Variants in PXDNL observed in about 807,000 individuals in gnomAD.
PXDNL encodes peroxidasin like, also known as probable oxidoreductase PXDNL.
A neutral mutation model predicts 150.8 loss-of-function variants in PXDNL; 145 were observed. The observed-to-expected ratio is 0.96, with a 90% CI of 0.84 to 1.10. The LOEUF is 1.10. Ranked by LOEUF, PXDNL falls within the 50% of genes least tolerant of loss-of-function variation. PXDNL has a pLI of 0.00. For synonymous variants in PXDNL, 757 were observed against 725.7 expected (o/e 1.04, Z -0.69); for missense variants, 2,087 against 1,873.9 (o/e 1.11, Z -2.10).
At chr8:51,635,812 CA>C (rs903622650) in intron 2 of PXDNL, among the ~76,000 whole-genome samples, 1 of 151,614 alleles carries the variant, frequency 6.6e-6, no homozygotes, top group African/African-American at 2.4e-5. Context: ...CAAAATTTTC[CA>C]AAAAAATAGA....
chr8:51,738,394 T>C (rs1293306895), intron 1 of PXDNL, among the ~76,000 whole-genome samples: 1 of 152,198 alleles, frequency 6.6e-6, no homozygotes, highest in Non-Finnish European at 1.5e-5. Flanking sequence ...AGTATGTGAC[T>C]CTTGCACCTA....
intron 1 of PXDNL, among the ~76,000 whole-genome samples, chr8:51,704,399 G>A (rs1231219121): frequency 6.6e-6 from 1 of 152,094 alleles, no homozygotes; most frequent in African/African-American, 2.4e-5. Context: ...GAAGATATTT[G>A]GGTTGCTAAG....
chr8:51,642,912 A>G (rs1814805766), intron 2 of PXDNL, among the ~76,000 whole-genome samples: 1 of 152,194 alleles, frequency 6.6e-6, no homozygotes, highest in Non-Finnish European at 1.5e-5. Context: ...GCAAACAGAG[A>G]GCCAAATCAT....
chr8:51,608,374 G>A (rs1267396653), intron 2 of PXDNL, among the ~76,000 whole-genome samples: 1 of 131,554 alleles, frequency 7.6e-6, no homozygotes, highest in East Asian at 2.1e-4. Flanking sequence ...CAGCGACAGG[G>A]AGAGACTCCG....
chr8:51,654,182 C>T (rs1237532644), intron 2 of PXDNL, among the ~76,000 whole-genome samples: 1 of 152,186 alleles, frequency 6.6e-6, no homozygotes. Context: ...AAACATTTAT[C>T]AGTGCTTAGC....
rs139683586 is a variant in PXDNL, at chr8:51,444,829, T to G, written c.1525+2175A>C. On this transcript the variant is annotated intron_variant, in intron 12 of 22. Coordinates refer to ENST00000356297, the MANE Select transcript of PXDNL (RefSeq NM_144651.5). Reference sequence around the variant, plus strand: ...CTCATAACGTGTCACTTGGTGACAGTAGTAGCTCCCGTGGTTTCTGACTTT... The same window carrying G: ...CTCATAACGTGTCACTTGGTGACAGGAGTAGCTCCCGTGGTTTCTGACTTT... 2.7e-4 allele frequency among the ~76,000 whole-genome samples: 41 copies of G among 152,302 alleles called. 1 individual carries two copies. Among genetic ancestry groups the G allele is most frequent in the Admixed American group, 2.6e-3 (40 of 15,302 alleles).
At chr8:51,641,484 A>C (rs1170384785) in intron 2 of PXDNL, among the ~76,000 whole-genome samples, 1 of 152,170 alleles carries the variant, frequency 6.6e-6, no homozygotes, top group Non-Finnish European at 1.5e-5. Context: ...TCCAGAATCT[A>C]CAATGAACTC....
intron 2 of PXDNL, among the ~76,000 whole-genome samples, chr8:51,642,432 G>A (rs1814787425): frequency 6.6e-6 from 1 of 151,954 alleles, no homozygotes; most frequent in Non-Finnish European, 1.5e-5. Context: ...CAGAACCAAA[G>A]ACAAAAACTA....
rs61326367 is a variant in PXDNL at position 51,775,466 on chromosome 8, C to T, written c.164+33715G>A. Among the ~76,000 whole-genome samples, 22 of 152,116 alleles carry T rather than the reference C, an allele frequency of 1.4e-4. No homozygotes were observed. The East Asian group carries it at 2.1e-3, about 15-fold the overall frequency. On this transcript the variant is annotated intron_variant, in intron 1 of 22. Coordinates refer to ENST00000356297, the MANE Select transcript of PXDNL (RefSeq NM_144651.5). ...GGTTCATCAGTGTCACCCTGTGTTG[C>T]GGGAAGTCAAGGACCTTGAACGGAG...
chr8:51,410,343 A>T (rs1486318427), intron 16 of PXDNL, among the ~76,000 whole-genome samples: 1 of 152,238 alleles, frequency 6.6e-6, no homozygotes, highest in African/African-American at 2.4e-5. Flanking sequence ...ATCTTCAGAA[A>T]CTGGCAAGCA....
At chr8:51,798,408 T>C (rs1360260060) in intron 1 of PXDNL, among the ~76,000 whole-genome samples, 3 of 152,016 alleles carry the variant, frequency 2.0e-5, no homozygotes, top group Non-Finnish European at 4.4e-5. Flanking sequence ...ACATACAGAA[T>C]GGGAAAAAAT....
chr8:51,338,120 T>C (rs891501665), intron 21 of PXDNL, among the ~76,000 whole-genome samples: 2 of 149,184 alleles, frequency 1.3e-5, no homozygotes, highest in Non-Finnish European at 3.0e-5. Flanking sequence ...CAGAGGTAGG[T>C]TGCAGTGAGC....
intron 1 of PXDNL, among the ~76,000 whole-genome samples, chr8:51,668,176 C>CTCTTTTTTTTTT (rs1554564343): frequency 3.9e-5 from 3 of 77,386 alleles, no homozygotes; most frequent in African/African-American, 1.6e-4. Context: ...CTCGCTCTCT[C>CTCTTTTTTTTTT]TTTTTTTTTT....
At chr8:51,619,995 C>T (rs62505329) in intron 2 of PXDNL, among the ~76,000 whole-genome samples, 75,521 of 151,896 alleles carry the variant, frequency 0.5, 22,238 homozygotes, top group Non-Finnish European at 0.66. Context: ...TAAATAAATC[C>T]GTTCTACTTT....
intron 2 of PXDNL, among the ~76,000 whole-genome samples, chr8:51,629,374 G>A (rs927694378): frequency 3.9e-5 from 6 of 152,036 alleles, no homozygotes; most frequent in African/African-American, 1.4e-4. Context: ...AGCCTGAGGA[G>A]CAGAAAGTAA....
chr8:51,775,356 C>A (rs2037340833), intron 1 of PXDNL, among the ~76,000 whole-genome samples: 1 of 152,140 alleles, frequency 6.6e-6, no homozygotes, highest in Admixed American at 6.5e-5. Context: ...AATACCAAAA[C>A]CAACTTAAAT....
At chr8:51,704,608 A>G (rs2130887360) in intron 1 of PXDNL, among the ~76,000 whole-genome samples, 1 of 152,324 alleles carries the variant, frequency 6.6e-6, no homozygotes, top group African/African-American at 2.4e-5. Context: ...GCAGTGTATA[A>G]CACTTCTCAT....
chr8:51,333,202 C>T (rs1254550699), intron 21 of PXDNL, among the ~76,000 whole-genome samples: 1 of 152,190 alleles, frequency 6.6e-6, no homozygotes, highest in Non-Finnish European at 1.5e-5. Flanking sequence ...TCAAACAAAA[C>T]AATCTTCAGC....
intron 2 of PXDNL, among the ~76,000 whole-genome samples, chr8:51,607,773 G>A (rs1290751760): frequency 6.8e-6 from 1 of 146,106 alleles, no homozygotes; most frequent in African/African-American, 2.7e-5. Flanking sequence ...CCAGGAAGCA[G>A]AGGCTGCAGT....
Sources: allele counts gnomAD v4.1 joint callset (sites outside exome capture counted in the v4.1 genomes callset), GRCh38; gene constraint gnomAD v4.1.1; transcripts MANE v1.5; gene names NCBI Gene and HGNC (gene_info 2026-07-23, HGNC 2026-07-21).